Variants in PTN observed in about 807,000 individuals in gnomAD.
The protein encoded by PTN is heparin affin regulatory protein.
A neutral mutation model predicts 24.1 loss-of-function variants in PTN; 18 were observed. The observed-to-expected ratio is 0.75, with a 90% CI of 0.52 to 1.11. The LOEUF is 1.11. PTN is among the 50% of genes least tolerant of loss of function. PTN has a pLI of 0.00. For missense variants in PTN, 163 were observed against 198.8 expected (o/e 0.82, Z 1.08); for synonymous variants, 78 against 68.6 (o/e 1.14, Z -0.67).
intron 4 of PTN, among the ~76,000 whole-genome samples, chr7:137,228,501 C>A (rs1808373008): frequency 6.6e-6 from 1 of 151,792 alleles, no homozygotes; most frequent in Non-Finnish European, 1.5e-5. Flanking sequence ...CCCCTCATTT[C>A]CCCCATTCCC....
At chr7:137,273,356 A>C (rs1809307252) in intron 1 of PTN, among the ~76,000 whole-genome samples, 1 of 152,196 alleles carries the variant, frequency 6.6e-6, no homozygotes, top group Non-Finnish European at 1.5e-5. Flanking sequence ...TTGTATTAGC[A>C]TGTTTTCACA....
chr7:137,310,390 G>GTTTTTTTTTTTTTTTTTT (rs36009703), intron 1 of PTN, among the ~76,000 whole-genome samples: 1 of 137,204 alleles, frequency 7.3e-6, no homozygotes. Context: ...AAGTTACCAT[G>GTTTTTTTTTTTTTTTTTT]TTTTTTTTTT....
intron 1 of PTN, among the ~76,000 whole-genome samples, chr7:137,272,231 T>G (rs1809286918): frequency 6.6e-6 from 1 of 152,242 alleles, no homozygotes; most frequent in African/African-American, 2.4e-5. Context: ...AAAGCTTTCC[T>G]TCTTGGAGGC....
At chr7:137,303,823 T>C (rs578069602) in intron 1 of PTN, among the ~76,000 whole-genome samples, 1 of 152,108 alleles carries the variant, frequency 6.6e-6, no homozygotes, top group South Asian at 2.1e-4. Flanking sequence ...TAAGCTTAAG[T>C]TCATATATAA....
rs1174764330 is a variant in PTN, at chr7:137,275,649, TA to T, written c.-1-20676del. 4.2e-4 allele frequency among the ~76,000 whole-genome samples: 63 copies of T among 149,606 alleles called. 1 individual carries two copies. The highest frequency in any genetic ancestry group is 5.9e-4 in the East Asian group (3 of 5,118). On this transcript the variant is annotated intron_variant, in intron 1 of 4. Coordinates refer to ENST00000348225, the MANE Select transcript of PTN (RefSeq NM_002825.7). Reference sequence around the variant, plus strand: ...CAACTTTTGGCAGTAAATCTTTTTTTAAAAAAAAAAATTGTATTGGCAAACT... The same window carrying T: ...CAACTTTTGGCAGTAAATCTTTTTTTAAAAAAAAAATTGTATTGGCAAACT...
chr7:137,287,348 G>A (rs1478852560), intron 1 of PTN, among the ~76,000 whole-genome samples: 1 of 152,162 alleles, frequency 6.6e-6, no homozygotes, highest in Non-Finnish European at 1.5e-5. Flanking sequence ...GCCCAAACCT[G>A]ATCACTATGT....
intron 1 of PTN, among the ~76,000 whole-genome samples, chr7:137,336,017 A>T (rs1244641119): frequency 1.3e-5 from 2 of 149,954 alleles, no homozygotes; most frequent in Non-Finnish European, 2.9e-5. Flanking sequence ...AGTCAAACTT[A>T]CCTTCAAGCA....
At chr7:137,292,245 C>A (rs1252921616) in intron 1 of PTN, among the ~76,000 whole-genome samples, 13 of 152,132 alleles carry the variant, frequency 8.5e-5, no homozygotes, top group African/African-American at 3.1e-4. Context: ...ATAACCCACA[C>A]ACATCATCTG....
chr7:137,314,501 A>G (rs1810036538), intron 1 of PTN, among the ~76,000 whole-genome samples: 2 of 152,132 alleles, frequency 1.3e-5, no homozygotes, highest in African/African-American at 4.8e-5. Flanking sequence ...ATGGGCTTAG[A>G]AGTCAAGGGA....
intron 1 of PTN, among the ~76,000 whole-genome samples, chr7:137,316,367 G>A (rs570819261): frequency 3.3e-5 from 5 of 152,128 alleles, no homozygotes; most frequent in Non-Finnish European, 2.9e-5. Flanking sequence ...TTTCTACCCC[G>A]AGAATTTTGA....
At chr7:137,316,152 G>A (rs894100089) in intron 1 of PTN, among the ~76,000 whole-genome samples, 4 of 152,114 alleles carry the variant, frequency 2.6e-5, no homozygotes, top group African/African-American at 4.8e-5. Context: ...TCTTAAGGCC[G>A]TTGTTGCTCT....
intron 1 of PTN, among the ~76,000 whole-genome samples, chr7:137,272,381 T>C (rs74823700): frequency 1.5e-3 from 230 of 152,380 alleles, no homozygotes; most frequent in African/African-American, 5.3e-3. Context: ...TTAGAAATTC[T>C]TTCCCAATCC....
intron 1 of PTN, among the ~76,000 whole-genome samples, chr7:137,309,864 A>G (rs1054522062): frequency 3.3e-5 from 5 of 152,168 alleles, no homozygotes; most frequent in African/African-American, 1.2e-4. Flanking sequence ...GTTGGAATCC[A>G]CTTCTTCCAA....
At chr7:137,278,972 T>TAAC (rs1319384540) in intron 1 of PTN, among the ~76,000 whole-genome samples, 3 of 145,732 alleles carry the variant, frequency 2.1e-5, no homozygotes, top group Non-Finnish European at 4.5e-5. Flanking sequence ...ATAATAATAA[T>TAAC]AATAATAATA....
chr7:137,279,674 T>C (rs1294251705), intron 1 of PTN, among the ~76,000 whole-genome samples: 2 of 152,210 alleles, frequency 1.3e-5, no homozygotes, highest in Non-Finnish European at 1.5e-5. Context: ...CTTATGTTTC[T>C]TGCTTGTCAT....
chr7:137,249,486 G>A (rs1017600374), intron 4 of PTN, among the ~76,000 whole-genome samples: 1 of 152,160 alleles, frequency 6.6e-6, no homozygotes. Flanking sequence ...AGTTCCCACA[G>A]AATATTCTAA....
intron 1 of PTN, among the ~76,000 whole-genome samples, chr7:137,296,651 G>C (rs1809722484): frequency 6.6e-6 from 1 of 151,990 alleles, no homozygotes; most frequent in Admixed American, 6.6e-5. Context: ...GGTGGCAGGG[G>C]GTGGAGAGTA....
chr7:137,275,308 T>C (rs1809343205), intron 1 of PTN, among the ~76,000 whole-genome samples: 1 of 152,166 alleles, frequency 6.6e-6, no homozygotes, highest in Admixed American at 6.5e-5. Flanking sequence ...GTGAAGTATA[T>C]AGGTCAGTTT....
At chr7:137,277,620 A>C (rs1809382426) in intron 1 of PTN, among the ~76,000 whole-genome samples, 1 of 152,184 alleles carries the variant, frequency 6.6e-6, no homozygotes, top group Admixed American at 6.5e-5. Context: ...CCCAGGATGG[A>C]GTGCAGTGGC....
Sources: gnomAD v4.1 joint callset for allele counts (sites outside exome capture counted in the v4.1 genomes callset) on GRCh38, gnomAD v4.1.1 for gene constraint, MANE v1.5 for transcripts, NCBI Gene and HGNC (gene_info 2026-07-23, HGNC 2026-07-21) for gene names.